The following ZBTB20 variants were observed in gnomAD, a reference collection of about 807,000 sequenced individuals.
ZBTB20 encodes zinc finger and BTB domain containing 20, also known as zinc finger and BTB domain-containing protein 20.
In ZBTB20, 9 loss-of-function variants were observed where a neutral mutation model predicts 56.9. That is an observed-to-expected ratio of 0.16 (90% confidence interval 0.10 to 0.28). The LOEUF is 0.28. Ranked by LOEUF, ZBTB20 falls within the 10% of genes least tolerant of loss-of-function variation. The pLI, the probability that ZBTB20 is intolerant of heterozygous loss-of-function variation, is 1.00. For synonymous variants in ZBTB20, 417 were observed against 420.7 expected (o/e 0.99, Z 0.11); for missense variants, 655 against 1,003.0 (o/e 0.65, Z 4.69).
chr3:114,806,239 T>A (rs1210389788), intron 4 of ZBTB20, among the ~76,000 whole-genome samples: 1 of 151,954 alleles, frequency 6.6e-6, no homozygotes, highest in African/African-American at 2.4e-5. Context: ...AATTTGTCTT[T>A]ATCTTCCAAC....
intron 1 of ZBTB20, among the ~76,000 whole-genome samples, chr3:115,104,833 G>A (rs2083676484): frequency 6.6e-6 from 1 of 152,140 alleles, no homozygotes; most frequent in Admixed American, 6.5e-5. Context: ...AACACCAAGA[G>A]TGAACCTTAA....
chr3:114,614,403 T>C (rs977048110), intron 6 of ZBTB20, among the ~76,000 whole-genome samples: 28 of 152,182 alleles, frequency 1.8e-4, no homozygotes, highest in African/African-American at 6.0e-4. Context: ...AAAGGTAATA[T>C]GGAAAGTAAA....
intron 5 of ZBTB20, among the ~76,000 whole-genome samples, chr3:114,715,015 G>A (rs2064365365): frequency 6.6e-6 from 1 of 152,082 alleles, no homozygotes; most frequent in Non-Finnish European, 1.5e-5. Context: ...AATGCATAAG[G>A]GGATGCTAAA....
chr3:114,336,340 AAC>A lies in ZBTB20; in HGVS notation c.*2663_*2664del, dbSNP rs931832943. 9.2e-5 allele frequency: 14 copies of A among 152,196 alleles called. No individual in the cohort carries two copies. The highest frequency in any genetic ancestry group is 3.4e-4 in the African/African-American group (14 of 41,452). 9.4% of individuals were successfully genotyped at this position (152,196 alleles called of 1,614,324 possible). A position where few individuals can be genotyped will look rare whatever the true frequency, so the allele number is the denominator to read the frequency against. The stretch of plus-strand genomic sequence containing the variant: ...TGGTAAGTGGAAATATTAGTCTTAC[AAC>A]ACTGCTATTTTAAAAAGCAAAATTA... On this transcript the variant is annotated 3_prime_UTR_variant, in exon 12 of 12. Transcript: ENST00000675478.
At chr3:114,929,987 A>G (rs1434409283) in intron 3 of ZBTB20, among the ~76,000 whole-genome samples, 1 of 152,240 alleles carries the variant, frequency 6.6e-6, no homozygotes, top group Non-Finnish European at 1.5e-5. Context: ...ATCAGTTTTA[A>G]CAAAATGAAT....
chr3:114,653,831 T>C (rs2060256670), intron 6 of ZBTB20, among the ~76,000 whole-genome samples: 1 of 152,018 alleles, frequency 6.6e-6, no homozygotes, highest in South Asian at 2.1e-4. Context: ...TTCTTTGGTT[T>C]ACTATGCCAG....
chr3:114,376,265 G>A (rs761624606), intron 10 of ZBTB20, among the ~76,000 whole-genome samples: 3 of 152,158 alleles, frequency 2.0e-5, no homozygotes, highest in African/African-American at 4.8e-5. Flanking sequence ...TTCCACATAC[G>A]TGGATAAAAA....
chr3:114,843,407 T>C (rs2074481246), intron 4 of ZBTB20, among the ~76,000 whole-genome samples: 1 of 152,160 alleles, frequency 6.6e-6, no homozygotes, highest in Non-Finnish European at 1.5e-5. Flanking sequence ...CATTATACAG[T>C]AGAGAAAAAT....
intron 6 of ZBTB20, among the ~76,000 whole-genome samples, chr3:114,668,905 G>T (rs1037939316): frequency 6.6e-6 from 1 of 152,050 alleles, no homozygotes; most frequent in African/African-American, 2.4e-5. Context: ...GAAATTCTCA[G>T]TTGAGAGCTA....
chr3:114,721,447 G>T (rs938721378), intron 5 of ZBTB20, among the ~76,000 whole-genome samples: 2 of 152,134 alleles, frequency 1.3e-5, no homozygotes, highest in African/African-American at 4.8e-5. Flanking sequence ...GAAATAACAT[G>T]TTCTAGAGAC....
intron 7 of ZBTB20, among the ~76,000 whole-genome samples, chr3:114,413,210 A>G (rs1576646661): frequency 6.6e-6 from 1 of 152,220 alleles, no homozygotes; most frequent in East Asian, 1.9e-4. Context: ...AGGCAAGGAT[A>G]TGGTAAATGT....
chr3:114,991,159 T>G (rs2078791065), intron 2 of ZBTB20, among the ~76,000 whole-genome samples: 2 of 152,130 alleles, frequency 1.3e-5, no homozygotes, highest in African/African-American at 2.4e-5. Context: ...TTTTGAACGC[T>G]TTTGCTCTTG....
chr3:114,743,164 C>T (rs2066749085), intron 5 of ZBTB20, among the ~76,000 whole-genome samples: 1 of 152,068 alleles, frequency 6.6e-6, no homozygotes, highest in Non-Finnish European at 1.5e-5. Context: ...ACAAAGAAGA[C>T]TATGTTTATT....
intron 7 of ZBTB20, among the ~76,000 whole-genome samples, chr3:114,408,920 C>G (rs1186807163): frequency 6.6e-6 from 1 of 152,062 alleles, no homozygotes; most frequent in Non-Finnish European, 1.5e-5. Context: ...AGTGGGAGAG[C>G]AGCGCTCGTC....
chr3:114,598,360 A>G (rs1260441224), intron 6 of ZBTB20, among the ~76,000 whole-genome samples: 1 of 151,658 alleles, frequency 6.6e-6, no homozygotes, highest in Non-Finnish European at 1.5e-5. Context: ...TGATTGGTTA[A>G]CACAAACTGT....
chr3:115,034,234 T>A (rs2108359544), intron 2 of ZBTB20, among the ~76,000 whole-genome samples: 1 of 151,636 alleles, frequency 6.6e-6, no homozygotes, highest in Non-Finnish European at 1.5e-5. Flanking sequence ...TCAGAGCAGT[T>A]AATTAGGAAA....
At chr3:114,956,870 C>G (rs558286143) in intron 3 of ZBTB20, among the ~76,000 whole-genome samples, 1 of 152,290 alleles carries the variant, frequency 6.6e-6, no homozygotes, top group African/African-American at 2.4e-5. Flanking sequence ...CTCAGTGAAC[C>G]TGTTCATACT....
chr3:114,623,816 T>C (rs1206348437), intron 6 of ZBTB20, among the ~76,000 whole-genome samples: 1 of 150,848 alleles, frequency 6.6e-6, no homozygotes, highest in Non-Finnish European at 1.5e-5. Flanking sequence ...CTCACCTATC[T>C]TCCTCCCCCC....
chr3:114,630,150 AAAG>A (rs1324924565), intron 6 of ZBTB20, among the ~76,000 whole-genome samples: 15 of 152,186 alleles, frequency 9.9e-5, no homozygotes, highest in African/African-American at 2.7e-4. Flanking sequence ...AAAAAATAAA[AAAG>A]AATAGAAGAA....
Sources: allele counts gnomAD v4.1 joint callset (sites outside exome capture counted in the v4.1 genomes callset), GRCh38; gene constraint gnomAD v4.1.1; transcripts MANE v1.5; gene names NCBI Gene and HGNC (gene_info 2026-07-23, HGNC 2026-07-21).